The following CDH18 variants were observed in gnomAD, a reference collection of about 807,000 sequenced individuals.
The protein encoded by CDH18 is cadherin-18.
A neutral mutation model predicts 67.9 loss-of-function variants in CDH18; 31 were observed. The observed-to-expected ratio is 0.46, with a 90% CI of 0.34 to 0.62. CDH18 has a LOEUF of 0.62. CDH18 is among the 20% of genes least tolerant of loss of function. CDH18 has a pLI of 0.01. For missense variants in CDH18, 890 were observed against 975.5 expected (o/e 0.91, Z 1.17); for synonymous variants, 362 against 347.2 (o/e 1.04, Z -0.48).
chr5:19,590,528 A>T (rs1353945635), intron 7 of CDH18, among the ~76,000 whole-genome samples: 4 of 152,124 alleles, frequency 2.6e-5, no homozygotes, highest in African/African-American at 4.8e-5. Flanking sequence ...ACAGATAGAT[A>T]GATAGATAGA....
intron 2 of CDH18, among the ~76,000 whole-genome samples, chr5:20,001,134 T>G (rs1736405764): frequency 6.6e-6 from 1 of 152,190 alleles, no homozygotes; most frequent in Non-Finnish European, 1.5e-5. Context: ...TCATAATTTC[T>G]TTTTATTTTA....
At chr5:19,621,745 C>G (rs1293786944) in intron 5 of CDH18, among the ~76,000 whole-genome samples, 1 of 152,136 alleles carries the variant, frequency 6.6e-6, no homozygotes, top group Non-Finnish European at 1.5e-5. Context: ...GTTCTAAAGG[C>G]TGTACAACAC....
chr5:19,831,235 A>G (rs1780990761), intron 3 of CDH18, among the ~76,000 whole-genome samples: 1 of 152,134 alleles, frequency 6.6e-6, no homozygotes, highest in Non-Finnish European at 1.5e-5. Flanking sequence ...AAGTACTGAA[A>G]AGCAATCACA....
chr5:20,404,799 T>C (rs781228312), intron 1 of CDH18, among the ~76,000 whole-genome samples: 4 of 152,136 alleles, frequency 2.6e-5, no homozygotes, highest in Admixed American at 1.3e-4. Context: ...ACTTACTCCA[T>C]GCAGGGTTGC....
intron 4 of CDH18, among the ~76,000 whole-genome samples, chr5:19,724,371 C>T (rs553118054): frequency 6.6e-6 from 1 of 152,090 alleles, no homozygotes; most frequent in East Asian, 1.9e-4. Context: ...CAGACTAGAG[C>T]AAGGAAGTTT....
intron 2 of CDH18, among the ~76,000 whole-genome samples, chr5:20,188,848 C>CAAAAAA (rs11390844): frequency 8.0e-6 from 1 of 125,174 alleles, no homozygotes; most frequent in African/African-American, 3.0e-5. Flanking sequence ...ATTTTCTAGG[C>CAAAAAA]AAAAAAAAAA....
intron 5 of CDH18, among the ~76,000 whole-genome samples, chr5:19,674,731 C>G (rs761041862): frequency 7.9e-5 from 12 of 152,068 alleles, no homozygotes; most frequent in Non-Finnish European, 1.0e-4. Flanking sequence ...GTCTAGAAAG[C>G]TTCCAAATAA....
chr5:19,609,009 G>A (rs561164858), intron 6 of CDH18, among the ~76,000 whole-genome samples: 25 of 151,926 alleles, frequency 1.6e-4, no homozygotes, highest in African/African-American at 5.5e-4. Flanking sequence ...ATATGCATAT[G>A]GTTTGTGCAG....
intron 3 of CDH18, among the ~76,000 whole-genome samples, chr5:19,832,159 T>C (rs992172849): frequency 6.6e-6 from 1 of 152,078 alleles, no homozygotes; most frequent in African/African-American, 2.4e-5. Flanking sequence ...ATTACTGTGC[T>C]TACTACCTGG....
At chr5:20,327,461 C>T (rs147359511) in intron 1 of CDH18, among the ~76,000 whole-genome samples, 1 of 152,230 alleles carries the variant, frequency 6.6e-6, no homozygotes, top group East Asian at 1.9e-4. Context: ...CCTACTATCT[C>T]TCCCTCTTTT....
chr5:19,867,368 G>A (rs1023827955), intron 2 of CDH18, among the ~76,000 whole-genome samples: 1 of 152,026 alleles, frequency 6.6e-6, no homozygotes, highest in Admixed American at 6.6e-5. Context: ...TAGATATACA[G>A]ATATAAAATA....
At chr5:20,010,324 C>G (rs1737313788) in intron 2 of CDH18, among the ~76,000 whole-genome samples, 1 of 151,984 alleles carries the variant, frequency 6.6e-6, no homozygotes, top group African/African-American at 2.4e-5. Flanking sequence ...ATTCTCCTGC[C>G]TCAGCCTCCA....
At chr5:19,519,719 G>A (rs987743581) in intron 10 of CDH18, among the ~76,000 whole-genome samples, 1 of 152,130 alleles carries the variant, frequency 6.6e-6, no homozygotes. Context: ...GAAATAACTG[G>A]ACATATTGGG....
intron 2 of CDH18, among the ~76,000 whole-genome samples, chr5:20,187,277 T>C (rs148514862): frequency 2.0e-3 from 306 of 151,984 alleles, no homozygotes; most frequent in Non-Finnish European, 3.7e-3. Context: ...AAATGGTAAA[T>C]TTTGTATTAT....
At chr5:19,755,165 C>T (rs1471874256) in intron 3 of CDH18, among the ~76,000 whole-genome samples, 4 of 146,254 alleles carry the variant, frequency 2.7e-5, no homozygotes, top group African/African-American at 1.0e-4. Context: ...AAGATCATAG[C>T]AGAACTAAAT....
chr5:20,269,489 A>G (rs1010234339), intron 1 of CDH18, among the ~76,000 whole-genome samples: 1 of 152,160 alleles, frequency 6.6e-6, no homozygotes, highest in Non-Finnish European at 1.5e-5. Flanking sequence ...ATCAGTGTTT[A>G]AATAGATAAA....
intron 2 of CDH18, among the ~76,000 whole-genome samples, chr5:20,103,536 CA>C (rs1272112439): frequency 7.3e-6 from 1 of 136,414 alleles, no homozygotes; most frequent in East Asian, 2.2e-4. Flanking sequence ...CCAGCTTGGC[CA>C]ACATAGTGAA....
At chr5:20,159,946 A>G (rs566769053) in intron 2 of CDH18, among the ~76,000 whole-genome samples, 1 of 152,314 alleles carries the variant, frequency 6.6e-6, no homozygotes, top group African/African-American at 2.4e-5. Context: ...TCATTTCAAC[A>G]TAGTAGTGTA....
intron 3 of CDH18, among the ~76,000 whole-genome samples, chr5:19,819,290 T>C (rs1329087201): frequency 6.6e-6 from 1 of 152,160 alleles, no homozygotes; most frequent in Non-Finnish European, 1.5e-5. Context: ...ATCAAAATAC[T>C]TGGGCTTGAA....
Sources: gnomAD v4.1 joint callset for allele counts (sites outside exome capture counted in the v4.1 genomes callset) on GRCh38, gnomAD v4.1.1 for gene constraint, MANE v1.5 for transcripts, NCBI Gene and HGNC (gene_info 2026-07-23, HGNC 2026-07-21) for gene names.